Variants in MMP16 observed in about 807,000 individuals in gnomAD.
The protein encoded by MMP16 is matrix metallopeptidase 16.
In MMP16, 12 loss-of-function variants were observed where a neutral mutation model predicts 67.8. The observed-to-expected ratio is 0.18, with a 90% confidence interval of 0.11 to 0.29. The LOEUF (loss-of-function observed/expected upper bound fraction) is 0.29. Ranked by LOEUF, MMP16 falls within the 10% of genes least tolerant of loss-of-function variation. MMP16 has a pLI of 1.00. For missense variants in MMP16, 475 were observed against 765.7 expected (o/e 0.62, Z 4.48); for synonymous variants, 249 against 255.9 (o/e 0.97, Z 0.26).
chr8:88,235,893 G>A (rs1327689740), intron 1 of MMP16, among the ~76,000 whole-genome samples: 25 of 150,786 alleles, frequency 1.7e-4, no homozygotes, highest in Non-Finnish European at 7.4e-5. Flanking sequence ...TTATATTTTC[G>A]TCTCTTTTCC....
At chr8:88,130,812 TA>T (rs1808016173) in intron 4 of MMP16, among the ~76,000 whole-genome samples, 1 of 151,298 alleles carries the variant, frequency 6.6e-6, no homozygotes, top group Admixed American at 6.6e-5. Context: ...GAGCAATGAA[TA>T]AAGCACTTAT....
intron 6 of MMP16, among the ~76,000 whole-genome samples, chr8:88,101,600 T>C (rs1809146638): frequency 6.6e-6 from 1 of 151,868 alleles, no homozygotes; most frequent in African/African-American, 2.4e-5. Context: ...ACTTCACTGG[T>C]AAGCACCGCA....
rs1808056431 is a variant in MMP16 at position 88,036,524 on chromosome 8, T to C, written c.*4937A>G. 2 of 151,938 alleles carry C rather than the reference T, an allele frequency of 1.3e-5. No homozygotes were observed. Among genetic ancestry groups the C allele is most frequent in the African/African-American group, 2.4e-5 (1 of 41,424 alleles). 9.4% of individuals were successfully genotyped at this position (151,938 alleles called of 1,614,324 possible). A position where few individuals can be genotyped will look rare whatever the true frequency, so the allele number is the denominator to read the frequency against. ...ATTCTAATTTTTAAGATATAACTGT[T>C]AAAAATTTTCTGATGTAGTTATGAT... is the stretch of plus-strand genomic sequence containing the variant. On this transcript the variant is annotated 3_prime_UTR_variant, in exon 10 of 10. Transcript: ENST00000286614.
intron 1 of MMP16, among the ~76,000 whole-genome samples, chr8:88,273,294 G>A (rs928586265): frequency 7.1e-6 from 1 of 141,148 alleles, no homozygotes; most frequent in Non-Finnish European, 1.5e-5. Context: ...GTTTGACCAT[G>A]TTGCCAGGCT....
chr8:88,113,100 T>C (rs1025566967), intron 6 of MMP16, among the ~76,000 whole-genome samples: 1 of 151,860 alleles, frequency 6.6e-6, no homozygotes, highest in Non-Finnish European at 1.5e-5. Context: ...GACATCCCTA[T>C]TCATTAGCAC....
intron 1 of MMP16, among the ~76,000 whole-genome samples, chr8:88,225,479 G>T (rs1049606931): frequency 9.2e-5 from 14 of 151,628 alleles, no homozygotes; most frequent in African/African-American, 3.4e-4. Context: ...TTAAATAATT[G>T]TAACAATATC....
intron 5 of MMP16, 76 bp from the exon 6 acceptor site, chr8:88,116,794 T>C (rs1809445154): frequency 7.6e-7 from 1 of 1,311,120 alleles, no homozygotes; most frequent in Non-Finnish European, 1.1e-6. Flanking sequence ...CAGAGAACAA[T>C]CACTTATCAG....
chr8:88,116,740 T>C, intron 5 of MMP16, 22 bp from the exon 6 acceptor site: 1 of 1,600,736 alleles, frequency 6.2e-7, no homozygotes, highest in Non-Finnish European at 8.6e-7. Flanking sequence ...ATGAGGACAG[T>C]GCTTGGCTCA....
At chr8:88,055,654 T>C (rs1274839875) in intron 8 of MMP16, among the ~76,000 whole-genome samples, 1 of 152,252 alleles carries the variant, frequency 6.6e-6, no homozygotes, top group Non-Finnish European at 1.5e-5. Context: ...ATAGTTTGAC[T>C]ATGGTAGCTT....
intron 6 of MMP16, among the ~76,000 whole-genome samples, chr8:88,105,058 C>T (rs1040468101): frequency 6.6e-6 from 1 of 151,434 alleles, no homozygotes; most frequent in Non-Finnish European, 1.5e-5. Flanking sequence ...TCATCATTTA[C>T]TCACTGATGC....
At chr8:88,184,228 T>C (rs1022756738) in intron 3 of MMP16, among the ~76,000 whole-genome samples, 1 of 152,170 alleles carries the variant, frequency 6.6e-6, no homozygotes, top group Non-Finnish European at 1.5e-5. Flanking sequence ...CTACTAAATT[T>C]CCTAATTTTC....
At chr8:88,265,499 G>A (rs561466458) in intron 1 of MMP16, among the ~76,000 whole-genome samples, 1 of 152,176 alleles carries the variant, frequency 6.6e-6, no homozygotes, top group East Asian at 1.9e-4. Flanking sequence ...TCAAAATGAA[G>A]CTGTAAGTAC....
intron 1 of MMP16, among the ~76,000 whole-genome samples, chr8:88,257,233 T>C (rs1335279360): frequency 6.6e-6 from 1 of 152,212 alleles, no homozygotes; most frequent in South Asian, 2.1e-4. Context: ...GAGACAGTCC[T>C]TGCTCTTACA....
chr8:88,219,596 C>T (rs1809646014), intron 1 of MMP16, among the ~76,000 whole-genome samples: 1 of 152,106 alleles, frequency 6.6e-6, no homozygotes, highest in African/African-American at 2.4e-5. Context: ...AAAACAGAGA[C>T]ACCCTCAGCT....
At chr8:88,067,601 C>A (rs1808479982) in intron 7 of MMP16, among the ~76,000 whole-genome samples, 1 of 152,076 alleles carries the variant, frequency 6.6e-6, no homozygotes, top group Admixed American at 6.6e-5. Flanking sequence ...CCCAGGGAAC[C>A]AATGAGGCAC....
Position 88,161,767 on chromosome 8 carries a change from GT to G in MMP16, c.709+5901del, listed in dbSNP as rs1808628188. Among the ~76,000 whole-genome samples the G allele has an allele frequency of 3.3e-5, 5 of 152,158 alleles. No homozygotes were observed. The South Asian group carries it at 1.0e-3, about 32-fold the overall frequency. On this transcript the variant is annotated intron_variant, in intron 4 of 9. Coordinates refer to ENST00000286614, the MANE Select transcript of MMP16 (RefSeq NM_005941.5). ...GTATGTTGTGTCTTTGTTCTCGTTG[GT>G]TTCAAAGAACATCTTTATTTCTGCC... is the stretch of plus-strand genomic sequence containing the variant.
chr8:88,300,108 A>T (rs1011991768), intron 1 of MMP16, among the ~76,000 whole-genome samples: 3 of 152,218 alleles, frequency 2.0e-5, no homozygotes, highest in Non-Finnish European at 4.4e-5. Flanking sequence ...TCTCTGGAAA[A>T]GAGTGGCCAA....
At chr8:88,287,584 T>C (rs957342443) in intron 1 of MMP16, among the ~76,000 whole-genome samples, 1 of 152,164 alleles carries the variant, frequency 6.6e-6, no homozygotes, top group Admixed American at 6.5e-5. Context: ...CTCCACCTAA[T>C]ATATCTGGAA....
intron 6 of MMP16, among the ~76,000 whole-genome samples, chr8:88,076,583 C>A: frequency 6.6e-6 from 1 of 152,096 alleles, no homozygotes; most frequent in Non-Finnish European, 1.5e-5. Context: ...AATACAATTT[C>A]ATATAAAGAT....
Sources: gnomAD v4.1 joint callset for allele counts (sites outside exome capture counted in the v4.1 genomes callset) on GRCh38, gnomAD v4.1.1 for gene constraint, MANE v1.5 for transcripts, NCBI Gene and HGNC (gene_info 2026-07-23, HGNC 2026-07-21) for gene names.